Variants in SMYD3 observed in about 807,000 individuals in gnomAD.
The protein encoded by SMYD3 is histone-lysine N-methyltransferase SMYD3.
Under a neutral mutation model 57.7 loss-of-function variants are expected in SMYD3, and 36 were observed. That is an observed-to-expected ratio of 0.62 (90% CI 0.48 to 0.82). The LOEUF is 0.82. Among genes scored for constraint, SMYD3 ranks in the 40% least tolerant of loss-of-function variants. The pLI, the probability that SMYD3 is intolerant of heterozygous loss-of-function variation, is 0.00. For synonymous variants in SMYD3, 211 were observed against 195.0 expected, an observed-to-expected ratio of 1.08 and a Z score of -0.68; for missense variants, 515 against 538.8, an observed-to-expected ratio of 0.96 and a Z score of 0.44.
chr1:245,765,277 G>T (rs1428865756), intron 10 of SMYD3, among the ~76,000 whole-genome samples: 1 of 150,984 alleles, frequency 6.6e-6, no homozygotes, highest in East Asian at 1.9e-4. Context: ...CATGCCTGTA[G>T]TCCCAGCTAC....
At chr1:246,443,071 T>G (rs1156758928) in intron 1 of SMYD3, among the ~76,000 whole-genome samples, 2 of 152,244 alleles carry the variant, frequency 1.3e-5, no homozygotes, top group Non-Finnish European at 2.9e-5. Flanking sequence ...TTTTGTATAT[T>G]CCTTCCAGTT....
intron 10 of SMYD3, among the ~76,000 whole-genome samples, chr1:245,798,638 G>C (rs1229105012): frequency 1.3e-5 from 2 of 151,860 alleles, no homozygotes; most frequent in Non-Finnish European, 2.9e-5. Context: ...TCTCAGGCTG[G>C]GCTTGTACTG....
intron 10 of SMYD3, among the ~76,000 whole-genome samples, chr1:245,779,517 G>A (rs937500990): frequency 6.6e-6 from 1 of 152,150 alleles, no homozygotes; most frequent in African/African-American, 2.4e-5. Flanking sequence ...CCAGATTGTG[G>A]AAGTATATAT....
At chr1:246,218,599 T>C (rs12083968) in intron 5 of SMYD3, among the ~76,000 whole-genome samples, 39,675 of 149,976 alleles carry the variant, frequency 0.26, 5,910 homozygotes, top group East Asian at 0.58. Context: ...CCAGCCTGGG[T>C]GACAGAGCGA....
intron 5 of SMYD3, among the ~76,000 whole-genome samples, chr1:246,076,923 A>T (rs1202152085): frequency 6.6e-6 from 1 of 152,212 alleles, no homozygotes. Flanking sequence ...AATAGATATA[A>T]AACAAAGCTG....
intron 1 of SMYD3, among the ~76,000 whole-genome samples, chr1:246,455,991 T>C (rs907056585): frequency 1.3e-5 from 2 of 152,296 alleles, no homozygotes; most frequent in East Asian, 1.9e-4. Context: ...CTCTGAGTCA[T>C]AGCAGGGAAA....
chr1:245,850,963 C>T (rs1052080439), intron 10 of SMYD3, among the ~76,000 whole-genome samples: 7 of 151,656 alleles, frequency 4.6e-5, no homozygotes, highest in East Asian at 2.0e-4. Flanking sequence ...TGGAGCTAAA[C>T]AGGGGTTTAG....
intron 4 of SMYD3, 115 bp from the exon 5 acceptor site, chr1:246,327,452 G>A: frequency 1.1e-6 from 1 of 887,934 alleles, no homozygotes; most frequent in East Asian, 2.6e-5. Flanking sequence ...ATTGGATTTT[G>A]ACAAAGAGCA....
At chr1:246,274,464 G>C (rs2064289869) in intron 5 of SMYD3, among the ~76,000 whole-genome samples, 2 of 152,108 alleles carry the variant, frequency 1.3e-5, no homozygotes, top group Admixed American at 1.3e-4. Flanking sequence ...TCTGCTTCAG[G>C]CCACTGTTGC....
intron 5 of SMYD3, among the ~76,000 whole-genome samples, chr1:246,130,500 A>G (rs948615952): frequency 6.6e-6 from 1 of 152,150 alleles, no homozygotes; most frequent in Non-Finnish European, 1.5e-5. Flanking sequence ...CATCAGTGAA[A>G]GAAAATTACA....
At chr1:245,801,361 C>T (rs1478099831) in intron 10 of SMYD3, among the ~76,000 whole-genome samples, 4 of 152,296 alleles carry the variant, frequency 2.6e-5, no homozygotes, top group Non-Finnish European at 5.9e-5. Context: ...GAGTGCATCC[C>T]TCTGGCCTGG....
chr1:245,842,949 G>T (rs927504396), intron 10 of SMYD3, among the ~76,000 whole-genome samples: 11 of 152,114 alleles, frequency 7.2e-5, no homozygotes, highest in African/African-American at 2.4e-4. Context: ...TGCCTCGAGG[G>T]ATCCTCCCAC....
chr1:246,121,325 T>C (rs1211557034), intron 5 of SMYD3, among the ~76,000 whole-genome samples: 2 of 151,982 alleles, frequency 1.3e-5, no homozygotes, highest in African/African-American at 4.8e-5. Context: ...CATGGCTAAC[T>C]GATGGTCGGT....
chr1:245,957,899 T>A (rs763052306), intron 5 of SMYD3, among the ~76,000 whole-genome samples: 2 of 152,168 alleles, frequency 1.3e-5, no homozygotes, highest in Non-Finnish European at 2.9e-5. Context: ...CTCCAAAATG[T>A]AGAATTGTGT....
At chr1:246,147,733 A>G (rs1228078858) in intron 5 of SMYD3, among the ~76,000 whole-genome samples, 2 of 151,792 alleles carry the variant, frequency 1.3e-5, no homozygotes, top group Admixed American at 6.6e-5. Flanking sequence ...TCTGCCCTCC[A>G]GGGTAGAGCT....
At chr1:246,198,111 T>C (rs2062854142) in intron 5 of SMYD3, among the ~76,000 whole-genome samples, 1 of 152,168 alleles carries the variant, frequency 6.6e-6, no homozygotes, top group South Asian at 2.1e-4. Context: ...TGTTCAGCAG[T>C]CTTTGCTTTC....
chr1:246,149,078 A>T (rs1309673602), intron 5 of SMYD3, among the ~76,000 whole-genome samples: 2 of 152,218 alleles, frequency 1.3e-5, no homozygotes, highest in Admixed American at 6.5e-5. Context: ...AAATTCTAGA[A>T]ATGTGACAGT....
chr1:245,802,081 C>T (rs1002055496), intron 10 of SMYD3, among the ~76,000 whole-genome samples: 1 of 152,134 alleles, frequency 6.6e-6, no homozygotes, highest in Non-Finnish European at 1.5e-5. Context: ...GGTGGACTGA[C>T]GTTAGGAATG....
intron 5 of SMYD3, among the ~76,000 whole-genome samples, chr1:246,311,953 C>T (rs758519102): frequency 5.9e-5 from 9 of 152,016 alleles, no homozygotes; most frequent in African/African-American, 7.3e-5. Context: ...GGAGCTAAAA[C>T]GTAATGTAAG....
Sources: allele counts gnomAD v4.1 joint callset (sites outside exome capture counted in the v4.1 genomes callset), GRCh38; gene constraint gnomAD v4.1.1; transcripts MANE v1.5; gene names NCBI Gene and HGNC (gene_info 2026-07-23, HGNC 2026-07-21).